BBS9: variants seen among roughly 807,000 people sequenced by gnomAD.
BBS9 encodes protein PTHB1.
In BBS9, 89 loss-of-function variants were observed where a neutral mutation model predicts 117.7. The observed-to-expected ratio is 0.76, with a 90% confidence interval of 0.64 to 0.90. BBS9 has a LOEUF of 0.90. BBS9 is among the 40% of genes least tolerant of loss of function. The probability of loss-of-function intolerance (pLI) is 0.00; values close to 1 mark genes in which losing one functional copy is unlikely to be tolerated. For synonymous variants in BBS9, 379 were observed against 370.9 expected (o/e 1.02, Z -0.25); for missense variants, 982 against 1,042.2 (o/e 0.94, Z 0.80).
At chr7:33,353,305 T>G (rs1169571733) in intron 15 of BBS9, among the ~76,000 whole-genome samples, 1 of 152,156 alleles carries the variant, frequency 6.6e-6, no homozygotes. Context: ...AAGAATGGTG[T>G]GTGTGTTCGC....
intron 9 of BBS9, among the ~76,000 whole-genome samples, chr7:33,300,591 A>T: frequency 6.7e-6 from 1 of 149,718 alleles, no homozygotes; most frequent in East Asian, 1.9e-4. Context: ...GGAAAAATTA[A>T]CTTTGGATAT....
At chr7:33,143,366 A>G (rs1383342695) in intron 1 of BBS9, among the ~76,000 whole-genome samples, 1 of 152,078 alleles carries the variant, frequency 6.6e-6, no homozygotes, top group Non-Finnish European at 1.5e-5. Flanking sequence ...CAATTTCTCC[A>G]TGTCCTTGCC....
Position 33,383,845 on chromosome 7 carries a change from A to G in BBS9, c.1962+7A>G. 1.2e-6 allele frequency: 2 copies of G among 1,610,242 alleles called. No homozygotes were observed. The highest frequency in any genetic ancestry group is 1.7e-6 in the Non-Finnish European group (2 of 1,178,646). ...GATTGATCATCATTTTGAGGTATGT[A>G]TGATCATAACCCACATCATCTATAA... On this transcript the variant is annotated splice_region_variant and intron_variant, in intron 18 of 22. Coordinates refer to ENST00000242067, the MANE Select transcript of BBS9 (RefSeq NM_198428.3).
intron 21 of BBS9, among the ~76,000 whole-genome samples, chr7:33,578,850 A>C (rs1859393486): frequency 6.6e-6 from 1 of 152,198 alleles, no homozygotes; most frequent in South Asian, 2.1e-4. Flanking sequence ...GTAGTTTTCC[A>C]ACTGGATTCA....
chr7:33,280,792 C>A (rs1333362071), intron 9 of BBS9, among the ~76,000 whole-genome samples: 18 of 151,666 alleles, frequency 1.2e-4, no homozygotes, highest in African/African-American at 4.1e-4. Context: ...TATGAAAAAA[C>A]AGACTCATAG....
chr7:33,415,847 T>A (rs114773067), intron 19 of BBS9, among the ~76,000 whole-genome samples: 10,312 of 151,970 alleles, frequency 0.068, 400 homozygotes, highest in African/African-American at 0.08. Flanking sequence ...AGAAAAAAAA[T>A]TTTTTGAGAT....
chr7:33,529,677 C>T (rs1213411817), intron 20 of BBS9, among the ~76,000 whole-genome samples: 1 of 151,938 alleles, frequency 6.6e-6, no homozygotes, highest in Non-Finnish European at 1.5e-5. Context: ...TTCTAAAAGC[C>T]ATACACAGGT....
At chr7:33,526,059 G>A (rs1289221267) in intron 20 of BBS9, among the ~76,000 whole-genome samples, 1 of 151,506 alleles carries the variant, frequency 6.6e-6, no homozygotes, top group East Asian at 1.9e-4. Flanking sequence ...TTTTCTTTAA[G>A]AATGTTGAAT....
At chr7:33,250,557 G>A (rs1796069243) in intron 5 of BBS9, among the ~76,000 whole-genome samples, 1 of 152,190 alleles carries the variant, frequency 6.6e-6, no homozygotes, top group Non-Finnish European at 1.5e-5. Context: ...TGTAAGGGGA[G>A]CCTTTGGTAT....
At chr7:33,527,637 G>A (rs1413691278) in intron 20 of BBS9, among the ~76,000 whole-genome samples, 4 of 152,124 alleles carry the variant, frequency 2.6e-5, no homozygotes, top group Non-Finnish European at 5.9e-5. Context: ...ACTGACCTGC[G>A]CCCACTGTCT....
At chr7:33,410,181 G>C (rs1293871052) in intron 19 of BBS9, among the ~76,000 whole-genome samples, 1 of 152,118 alleles carries the variant, frequency 6.6e-6, no homozygotes, top group Admixed American at 6.5e-5. Flanking sequence ...AAAGACCTCA[G>C]AGAAAAATGT....
chr7:33,434,535 G>A (rs577525814), intron 19 of BBS9, among the ~76,000 whole-genome samples: 27 of 152,124 alleles, frequency 1.8e-4, no homozygotes, highest in East Asian at 7.7e-4. Context: ...ATATTTGAAC[G>A]GAAATATGGT....
intron 19 of BBS9, among the ~76,000 whole-genome samples, chr7:33,405,439 C>T (rs1483900482): frequency 1.3e-5 from 2 of 151,992 alleles, no homozygotes; most frequent in African/African-American, 2.4e-5. Flanking sequence ...CTCCTTGTAC[C>T]TCTGGTAGAA....
At chr7:33,617,394 ATAATGATAAAGAGGTCAGTTCTCTG>A (rs368048722) in intron 21 of BBS9, among the ~76,000 whole-genome samples, 2,112 of 152,206 alleles carry the variant, frequency 0.014, 39 homozygotes, top group African/African-American at 0.045. Context: ...GGGGCCAAAC[ATAATGATAAAGAGGTCAGTTCTCTG>A]TAATGATAAA....
intron 18 of BBS9, among the ~76,000 whole-genome samples, chr7:33,384,677 T>A (rs902290936): frequency 2.0e-5 from 3 of 151,276 alleles, no homozygotes; most frequent in African/African-American, 7.3e-5. Flanking sequence ...CATTTCAGTT[T>A]AGGAGTGTGT....
intron 19 of BBS9, among the ~76,000 whole-genome samples, chr7:33,472,130 G>T (rs2109526): frequency 0.16 from 24,413 of 152,122 alleles, 2,528 homozygotes; most frequent in East Asian, 0.48. Flanking sequence ...TAAGCCAGAG[G>T]GTGTAGGAGT....
intron 21 of BBS9, among the ~76,000 whole-genome samples, chr7:33,621,378 A>G (rs1174268946): frequency 6.6e-6 from 1 of 152,322 alleles, no homozygotes; most frequent in South Asian, 2.1e-4. Context: ...AAAATGGGCA[A>G]AGGACCTGAA....
chr7:33,537,589 C>T (rs1036072488), intron 21 of BBS9, among the ~76,000 whole-genome samples: 3 of 152,190 alleles, frequency 2.0e-5, no homozygotes, highest in African/African-American at 7.2e-5. Context: ...ATGCATTCTA[C>T]TCTTAGAGCA....
intron 9 of BBS9, among the ~76,000 whole-genome samples, chr7:33,309,665 A>G (rs539050053): frequency 2.0e-5 from 3 of 152,232 alleles, no homozygotes; most frequent in Admixed American, 6.5e-5. Flanking sequence ...TGACCGAGGT[A>G]CATAGATGGA....
Sources: allele counts gnomAD v4.1 joint callset (sites outside exome capture counted in the v4.1 genomes callset), GRCh38; gene constraint gnomAD v4.1.1; transcripts MANE v1.5; gene names NCBI Gene and HGNC (gene_info 2026-07-23, HGNC 2026-07-21).